Variants in ARHGEF7 observed in about 807,000 individuals in gnomAD.
ARHGEF7 encodes the protein PAK-interacting exchange factor beta.
In ARHGEF7, 33 loss-of-function variants were observed where a neutral mutation model predicts 109.8. The observed-to-expected ratio is 0.30, with a 90% confidence interval of 0.23 to 0.40. The LOEUF is 0.40. Ranked by LOEUF, ARHGEF7 falls within the 10% of genes least tolerant of loss-of-function variation. ARHGEF7 has a pLI of 1.00. For missense variants in ARHGEF7, 938 were observed against 1,098.5 expected, an observed-to-expected ratio of 0.85 and a Z score of 2.07; for synonymous variants, 458 against 424.6, an observed-to-expected ratio of 1.08 and a Z score of -0.97.
At chr13:111,195,209 C>T (rs1448293722) in intron 2 of ARHGEF7, among the ~76,000 whole-genome samples, 3 of 152,132 alleles carry the variant, frequency 2.0e-5, no homozygotes, top group Non-Finnish European at 4.4e-5. Context: ...TTTGCCCTTC[C>T]AGATTGTCTT....
intron 8 of ARHGEF7, among the ~76,000 whole-genome samples, chr13:111,259,393 C>T (rs2090839066): frequency 6.6e-6 from 1 of 152,122 alleles, no homozygotes; most frequent in Non-Finnish European, 1.5e-5. Flanking sequence ...ACACACACAC[C>T]CCTCTCTCTG....
rs2093546752 is a variant in ARHGEF7 at position 111,300,747 on chromosome 13, G to GGAAGGAAAA, written c.2312_2313insAAGGAAAAG (p.Arg771_Ser772insArgLysSer). 1.2e-6 allele frequency: 2 copies of GGAAGGAAAA among 1,600,282 alleles called. No homozygotes were observed. The highest frequency in any genetic ancestry group is 2.7e-5 in the African/African-American group (2 of 73,994). On this transcript the variant is annotated inframe_insertion and splice_region_variant. Transcript: ENST00000646102. Reference sequence around the variant, plus strand: ...TATTTATTATTTTTTCATGATCCTAGGTTCACGCAAAGAATCTGCTCCACA... The same window carrying GGAAGGAAAA: ...TATTTATTATTTTTTCATGATCCTAGGAAGGAAAAGTTCACGCAAAGAATCTGCTCCACA...
At chr13:111,261,972 A>G (rs924193051) in intron 8 of ARHGEF7, among the ~76,000 whole-genome samples, 9 of 152,216 alleles carry the variant, frequency 5.9e-5, no homozygotes, top group African/African-American at 1.9e-4. Flanking sequence ...AAGCTGTATT[A>G]AGAGGAAGTT....
At chr13:111,292,694 T>A (rs2093327127) in intron 19 of ARHGEF7, 1 of 1,046,522 alleles carries the variant, frequency 9.6e-7, no homozygotes, top group Non-Finnish European at 1.2e-6. Flanking sequence ...ATCACACAGG[T>A]TTGTGATCTA....
In ARHGEF7 at chr13:111,288,427, G is replaced by A. The variant is rs767146891; in HGVS notation, c.2118G>A (p.Arg706=). The change falls in exon 18 of 22, where the codon AGG becomes AGA. Residue 706 remains arginine, a synonymous_variant. Transcript: ENST00000646102. ...IEAYCTSAKT[R]QTLNSTWQGT... is the part of the protein sequence containing the mutation. ...CTTACTGCACCAGCGCCAAAACAAG[G>A]CAAACACTCAATTCAAGTAAGTTTA... 1.2e-6 allele frequency: 2 copies of A among 1,613,062 alleles called. No homozygotes were observed. The highest frequency in any genetic ancestry group is 1.7e-6 in the Non-Finnish European group (2 of 1,179,108).
intron 1 of ARHGEF7, among the ~76,000 whole-genome samples, chr13:111,148,475 T>C (rs2075728317): frequency 6.6e-6 from 1 of 152,244 alleles, no homozygotes; most frequent in South Asian, 2.1e-4. Flanking sequence ...TCAAGGGATA[T>C]GCAGGCACAG....
chr13:111,283,240 C>T lies in ARHGEF7; in HGVS notation c.1827C>T (p.Gly609=). ...YHTLPHPSHH[G]TPHTTINWGP... ...CGCTGCCCCACCCCTCCCACCACGG[C>T]ACCCCGCACACCACCATCAACTGGG... The change falls in exon 16 of 22, where the codon GGC becomes GGT. Residue 609 remains glycine, a synonymous_variant. Coordinates refer to ENST00000646102, the MANE Select transcript of ARHGEF7 (RefSeq NM_001354046.2). 2.5e-6 allele frequency: 4 copies of T among 1,587,168 alleles called. No individual in the cohort carries two copies. The highest frequency in any genetic ancestry group is 1.7e-4 in the Middle Eastern group (1 of 6,034).
At chr13:111,160,797 T>C (rs1335873538) in intron 2 of ARHGEF7, among the ~76,000 whole-genome samples, 1 of 152,216 alleles carries the variant, frequency 6.6e-6, no homozygotes, top group East Asian at 1.9e-4. Flanking sequence ...CCTCCCCCTT[T>C]GCTCCTCACC....
rs934453742 is a variant in ARHGEF7 at position 111,174,883 on chromosome 13, G to A, written c.252+20892G>A. 3.3e-5 allele frequency among the ~76,000 whole-genome samples: 5 copies of A among 152,174 alleles called. No homozygotes were observed. In the South Asian group the frequency reaches 6.2e-4, roughly 19 times the overall value. On this transcript the variant is annotated intron_variant, in intron 2 of 21. Coordinates refer to ENST00000646102, the MANE Select transcript of ARHGEF7 (RefSeq NM_001354046.2). The stretch of plus-strand genomic sequence containing the variant: ...GGACTAGAAGTTGCTGACAGTCCTC[G>A]GGTTGGTTTTGTGCAGCACATGTGC...
At chr13:111,241,277 G>T (rs1311620295) in intron 6 of ARHGEF7, 1 of 1,536,028 alleles carries the variant, frequency 6.5e-7, no homozygotes, top group Non-Finnish European at 8.7e-7. Flanking sequence ...CAGGCTGTGA[G>T]GTCTCATGGG....
At chr13:111,202,419 G>A (rs1475743335) in intron 2 of ARHGEF7, among the ~76,000 whole-genome samples, 1 of 152,210 alleles carries the variant, frequency 6.6e-6, no homozygotes, top group Non-Finnish European at 1.5e-5. Context: ...CCCCCAGGAG[G>A]TCTTAACATG....
At chr13:111,229,957 G>A (rs551788531) in intron 5 of ARHGEF7, among the ~76,000 whole-genome samples, 5 of 152,158 alleles carry the variant, frequency 3.3e-5, no homozygotes, top group African/African-American at 4.8e-5. Flanking sequence ...TCAGCTGTGC[G>A]GGTTACTAAG....
At chr13:111,293,929 T>C in intron 19 of ARHGEF7, 1 of 985,314 alleles carries the variant, frequency 1.0e-6, no homozygotes, top group Non-Finnish European at 1.2e-6. Flanking sequence ...GCACGTTGTT[T>C]AGAAAGTTGG....
In ARHGEF7 at chr13:111,262,943, C is replaced by T. The variant is rs146576831; in HGVS notation, c.951-4605C>T. ...CCTCTCATGACTCATGTGCACCATC[C>T]TGCTGCCCAAGGCCTTGATGTAGCC... On this transcript the variant is annotated intron_variant, in intron 8 of 21. Coordinates refer to ENST00000646102, the MANE Select transcript of ARHGEF7 (RefSeq NM_001354046.2). 7.2e-4 allele frequency among the ~76,000 whole-genome samples: 109 copies of T among 152,372 alleles called. 1 individual carries two copies. In the East Asian group the frequency reaches 0.013, roughly 19 times the overall value.
At chr13:111,208,989 G>A (rs1305445829) in intron 3 of ARHGEF7, among the ~76,000 whole-genome samples, 1 of 152,172 alleles carries the variant, frequency 6.6e-6, no homozygotes, top group Non-Finnish European at 1.5e-5. Context: ...TGGGTTTTTG[G>A]TGATACCTTC....
intron 13 of ARHGEF7, among the ~76,000 whole-genome samples, chr13:111,278,121 G>A (rs570928806): frequency 6.6e-6 from 1 of 152,322 alleles, no homozygotes; most frequent in South Asian, 2.1e-4. Context: ...GGTGTAAGTA[G>A]CAGTGTGTGA....
At chr13:111,224,852 C>T (rs1257831129) in intron 5 of ARHGEF7, among the ~76,000 whole-genome samples, 2 of 152,174 alleles carry the variant, frequency 1.3e-5, no homozygotes, top group East Asian at 1.9e-4. Context: ...GTCCTTCCTC[C>T]TCTCCGGTGA....
chr13:111,181,291 G>A (rs1026248987), intron 2 of ARHGEF7, among the ~76,000 whole-genome samples: 4 of 152,206 alleles, frequency 2.6e-5, no homozygotes, highest in African/African-American at 4.8e-5. Flanking sequence ...AGGGTTTCAA[G>A]TTGTCCCAAC....
intron 2 of ARHGEF7, among the ~76,000 whole-genome samples, chr13:111,187,938 T>A (rs1349135810): frequency 2.0e-5 from 3 of 152,226 alleles, no homozygotes; most frequent in African/African-American, 7.2e-5. Context: ...AGCAATGTCT[T>A]CCCGTTTTTG....
Sources: gnomAD v4.1 joint callset for allele counts (sites outside exome capture counted in the v4.1 genomes callset) on GRCh38, gnomAD v4.1.1 for gene constraint, MANE v1.5 for transcripts, NCBI Gene and HGNC (gene_info 2026-07-23, HGNC 2026-07-21) for gene names.